The following GPC5 variants were observed in gnomAD, a reference collection of about 807,000 sequenced individuals.
The protein encoded by GPC5 is glypican-5.
In GPC5, 47 loss-of-function variants were observed where a neutral mutation model predicts 53.9. The observed-to-expected ratio is 0.87, with a 90% CI of 0.69 to 1.11. GPC5 has a LOEUF of 1.11. Among genes scored for constraint, GPC5 ranks in the 50% most tolerant of loss-of-function variants. The pLI, the probability that GPC5 is intolerant of heterozygous loss-of-function variation, is 0.00. For missense variants in GPC5, 748 were observed against 713.1 expected, an observed-to-expected ratio of 1.05 and a Z score of -0.56; for synonymous variants, 286 against 263.3, an observed-to-expected ratio of 1.09 and a Z score of -0.84.
At chr13:91,980,471 C>T (rs1229600532) in intron 6 of GPC5, among the ~76,000 whole-genome samples, 1 of 152,094 alleles carries the variant, frequency 6.6e-6, no homozygotes, top group Non-Finnish European at 1.5e-5. Context: ...CTTCCACCAC[C>T]CAGAAGCCCC....
chr13:91,538,581 A>ATTTTT (rs11374916), intron 2 of GPC5, among the ~76,000 whole-genome samples: 2 of 129,242 alleles, frequency 1.5e-5, no homozygotes, highest in African/African-American at 2.8e-5. Context: ...ATTGCAAATA[A>ATTTTT]TTTTTTTTTT....
chr13:92,546,633 C>T (rs1882125254), intron 7 of GPC5, among the ~76,000 whole-genome samples: 1 of 152,132 alleles, frequency 6.6e-6, no homozygotes, highest in African/African-American at 2.4e-5. Flanking sequence ...CATCAAATTA[C>T]CAATGACTTT....
intron 7 of GPC5, among the ~76,000 whole-genome samples, chr13:92,609,509 A>C (rs1224510260): frequency 6.6e-6 from 1 of 152,160 alleles, no homozygotes; most frequent in Non-Finnish European, 1.5e-5. Context: ...TTTACTATTC[A>C]ATGTGTAAGC....
At chr13:91,969,819 G>A (rs752957724) in intron 6 of GPC5, among the ~76,000 whole-genome samples, 11 of 152,082 alleles carry the variant, frequency 7.2e-5, no homozygotes, top group South Asian at 6.2e-4. Context: ...ATTATATATC[G>A]CCACATTGGT....
chr13:92,715,747 A>T (rs16947848), intron 7 of GPC5, among the ~76,000 whole-genome samples: 15,516 of 152,206 alleles, frequency 0.1, 881 homozygotes, highest in Admixed American at 0.14. Flanking sequence ...AACAGAGAAG[A>T]TTCTAGAGTT....
chr13:92,290,771 G>A (rs951763871), intron 7 of GPC5, among the ~76,000 whole-genome samples: 2 of 152,196 alleles, frequency 1.3e-5, no homozygotes, highest in Admixed American at 1.3e-4. Flanking sequence ...CCTCTGTCTG[G>A]GCTCCCACTT....
intron 1 of GPC5, among the ~76,000 whole-genome samples, chr13:91,406,760 A>T (rs1028820007): frequency 6.6e-6 from 1 of 151,640 alleles, no homozygotes; most frequent in Admixed American, 6.6e-5. Context: ...GCCAGGCACC[A>T]TTGTCTCTGG....
intron 2 of GPC5, among the ~76,000 whole-genome samples, chr13:91,459,214 A>T (rs1223597186): frequency 6.9e-6 from 1 of 145,528 alleles, no homozygotes; most frequent in East Asian, 1.9e-4. Context: ...TATTGAAATT[A>T]AAAAAAAGAA....
chr13:92,855,120 T>TA (rs1594552525), intron 7 of GPC5, among the ~76,000 whole-genome samples: 2 of 152,018 alleles, frequency 1.3e-5, no homozygotes, highest in African/African-American at 4.8e-5. Context: ...AGAATGTTTC[T>TA]AACTCTACTG....
chr13:92,684,543 A>G (rs1038005408), intron 7 of GPC5, among the ~76,000 whole-genome samples: 1 of 152,160 alleles, frequency 6.6e-6, no homozygotes, highest in African/African-American at 2.4e-5. Context: ...TGCTGGGATT[A>G]CAGGCATGAG....
intron 6 of GPC5, among the ~76,000 whole-genome samples, chr13:92,013,715 T>G (rs1594723845): frequency 6.6e-6 from 1 of 152,260 alleles, no homozygotes; most frequent in East Asian, 1.9e-4. Context: ...ATTCCCTTTT[T>G]CCCAGCAATA....
At chr13:91,956,469 C>T (rs2040074838) in intron 6 of GPC5, among the ~76,000 whole-genome samples, 1 of 152,192 alleles carries the variant, frequency 6.6e-6, no homozygotes, top group African/African-American at 2.4e-5. Context: ...TGAGGATCCA[C>T]TACCTGCCTG....
intron 1 of GPC5, among the ~76,000 whole-genome samples, chr13:91,425,691 T>C (rs1235430093): frequency 6.6e-6 from 1 of 152,164 alleles, no homozygotes; most frequent in African/African-American, 2.4e-5. Flanking sequence ...TATAGCAGTG[T>C]GAAAATTGAT....
intron 7 of GPC5, among the ~76,000 whole-genome samples, chr13:92,396,292 T>C (rs2139330297): frequency 6.6e-6 from 1 of 152,318 alleles, no homozygotes; most frequent in Middle Eastern, 3.4e-3. Context: ...TTATTTCTGT[T>C]ACAATGTTTT....
intron 7 of GPC5, among the ~76,000 whole-genome samples, chr13:92,425,381 A>G (rs1876785936): frequency 6.6e-6 from 1 of 152,032 alleles, no homozygotes; most frequent in South Asian, 2.1e-4. Context: ...AATTATGGCT[A>G]ATGTTTCTAA....
chr13:92,042,375 G>A (rs917916889), intron 6 of GPC5, among the ~76,000 whole-genome samples: 5 of 152,080 alleles, frequency 3.3e-5, no homozygotes, highest in African/African-American at 4.8e-5. Context: ...ACATCCAACC[G>A]CAAAGGATAA....
At chr13:92,544,321 G>A (rs1882028631) in intron 7 of GPC5, among the ~76,000 whole-genome samples, 1 of 152,082 alleles carries the variant, frequency 6.6e-6, no homozygotes, top group African/African-American at 2.4e-5. Context: ...GAAATACATT[G>A]GCATTTAATA....
chr13:92,270,324 G>A (rs2042831409), intron 7 of GPC5, among the ~76,000 whole-genome samples: 1 of 152,162 alleles, frequency 6.6e-6, no homozygotes, highest in African/African-American at 2.4e-5. Flanking sequence ...TTGGAACATA[G>A]GGGTGGATTT....
intron 7 of GPC5, among the ~76,000 whole-genome samples, chr13:92,450,177 T>C (rs368463067): frequency 5.3e-5 from 8 of 152,094 alleles, no homozygotes; most frequent in Admixed American, 3.3e-4. Context: ...GGAGAAGATA[T>C]ATATATTCAC....
Sources: gnomAD v4.1 joint callset for allele counts (sites outside exome capture counted in the v4.1 genomes callset) on GRCh38, gnomAD v4.1.1 for gene constraint, MANE v1.5 for transcripts, NCBI Gene and HGNC (gene_info 2026-07-23, HGNC 2026-07-21) for gene names.